The following SND1 variants were observed in gnomAD, a reference collection of about 807,000 sequenced individuals.
SND1 encodes the protein staphylococcal nuclease and tudor domain containing 1.
A neutral mutation model predicts 121.7 loss-of-function variants in SND1; 38 were observed. The ratio of observed to expected loss-of-function variants is 0.31; its 90% CI spans 0.24 to 0.41. The LOEUF is 0.41. Ranked by LOEUF, SND1 falls within the 10% of genes least tolerant of loss-of-function variation. SND1 has a pLI of 1.00. For missense variants in SND1, 868 were observed against 1,184.6 expected, an observed-to-expected ratio of 0.73 and a Z score of 3.92; for synonymous variants, 401 against 447.4, an observed-to-expected ratio of 0.90 and a Z score of 1.31.
intron 17 of SND1, among the ~76,000 whole-genome samples, chr7:128,078,736 TTCA>T (rs1374833721): frequency 6.6e-6 from 1 of 152,234 alleles, no homozygotes; most frequent in Non-Finnish European, 1.5e-5. Context: ...GTGTTCCGAA[TTCA>T]TCAACACTGC....
At chr7:127,675,216 C>T (rs1038391637) in intron 1 of SND1, among the ~76,000 whole-genome samples, 1 of 151,956 alleles carries the variant, frequency 6.6e-6, no homozygotes, top group Admixed American at 6.6e-5. Flanking sequence ...AACAAAAAAA[C>T]CCTTCATTTT....
rs571159132 is a variant in SND1 at position 128,053,890 on chromosome 7, C to T, written c.1780-20612C>T. The stretch of plus-strand genomic sequence containing the variant: ...CGGCAGGCTGAGCTTTTCCCCGACC[C>T]CAGGCCTGTGGAGTGCAGCAGTCAA... On this transcript the variant is annotated intron_variant, in intron 16 of 23. Coordinates refer to ENST00000354725, the MANE Select transcript of SND1 (RefSeq NM_014390.4). Among the ~76,000 whole-genome samples, 6 of 152,312 alleles carry T rather than the reference C, an allele frequency of 3.9e-5. No individual in the cohort carries two copies. In the East Asian group the frequency reaches 1.2e-3, roughly 29 times the overall value.
rs569319216 is a variant in SND1 at position 127,783,307 on chromosome 7, C to T, written c.1153-24177C>T. On this transcript the variant is annotated intron_variant, in intron 10 of 23. Transcript: ENST00000354725. ...CCTCAGCCTGTTTTGATTTTTGAAG[C>T]CTTATTAGATACAACAATTTTTGCC... Among the ~76,000 whole-genome samples, 34 of 152,244 alleles carry T rather than the reference C, an allele frequency of 2.2e-4. No homozygotes were observed. The South Asian group carries it at 6.9e-3, about 31-fold the overall frequency.
intron 10 of SND1, among the ~76,000 whole-genome samples, chr7:127,804,305 C>T (rs1401183538): frequency 6.6e-6 from 1 of 152,048 alleles, no homozygotes; most frequent in Admixed American, 6.6e-5. Flanking sequence ...ATCTTGTTTT[C>T]TGCTTGTGCT....
chr7:127,908,317 A>AGTGTGT (rs1235614611), intron 14 of SND1, among the ~76,000 whole-genome samples: 1 of 78,630 alleles, frequency 1.3e-5, no homozygotes, highest in African/African-American at 5.0e-5. Flanking sequence ...AATAATAATA[A>AGTGTGT]ATGTGTGTGT....
intron 14 of SND1, among the ~76,000 whole-genome samples, chr7:127,924,265 T>G (rs567888911): frequency 3.9e-5 from 6 of 152,338 alleles, no homozygotes; most frequent in African/African-American, 1.4e-4. Context: ...TAATAAGTTC[T>G]GCATGTATTT....
intron 10 of SND1, among the ~76,000 whole-genome samples, chr7:127,738,493 G>A (rs942148625): frequency 6.6e-6 from 1 of 151,972 alleles, no homozygotes; most frequent in African/African-American, 2.4e-5. Flanking sequence ...TGGCCAGGCT[G>A]GTCTTGAACT....
At chr7:127,941,889 GTT>G (rs34389081) in intron 15 of SND1, among the ~76,000 whole-genome samples, 123 of 100,242 alleles carry the variant, frequency 1.2e-3, no homozygotes, top group African/African-American at 2.9e-3. Flanking sequence ...TTGATAGGGA[GTT>G]TTTTTTTTTT....
chr7:128,091,530 G>A (rs569992045), intron 22 of SND1, among the ~76,000 whole-genome samples: 3 of 152,228 alleles, frequency 2.0e-5, no homozygotes, highest in East Asian at 1.9e-4. Context: ...TTTTAAATGG[G>A]GTTGCCCGAG....
rs1001124791 is a variant in SND1 at position 127,762,320 on chromosome 7, CTTG to C, written c.1152+40925_1152+40927del. On this transcript the variant is annotated intron_variant, in intron 10 of 23. Transcript: ENST00000354725. ...CTGGAAGTCCAAAATCAAAGTGCCT[CTTG>C]TTGTCCCTTGGTCTCAGGTTTGGTT... is the stretch of plus-strand genomic sequence containing the variant. 2.6e-5 allele frequency among the ~76,000 whole-genome samples: 4 copies of C among 152,266 alleles called. 1 individual carries two copies. In the South Asian group the frequency reaches 6.2e-4, roughly 24 times the overall value.
chr7:127,930,158 C>T (rs1173387713), intron 15 of SND1, among the ~76,000 whole-genome samples: 1 of 151,568 alleles, frequency 6.6e-6, no homozygotes, highest in Non-Finnish European at 1.5e-5. Context: ...CACCCTTGCA[C>T]ACACAAATAT....
intron 15 of SND1, among the ~76,000 whole-genome samples, chr7:127,954,144 A>G (rs1306781198): frequency 3.3e-5 from 5 of 152,196 alleles, no homozygotes; most frequent in Admixed American, 2.6e-4. Context: ...AGTCAGGCAG[A>G]ACCTGCTTTC....
intron 9 of SND1, 38 bp from the exon 10 acceptor site, chr7:127,721,249 A>G (rs75132091): frequency 6.9e-7 from 1 of 1,449,580 alleles, no homozygotes; most frequent in Non-Finnish European, 9.7e-7. Flanking sequence ...GATGGGGGCC[A>G]TAGAAGCAGG....
At chr7:127,995,644 T>C (rs1563082487) in intron 16 of SND1, among the ~76,000 whole-genome samples, 1 of 152,240 alleles carries the variant, frequency 6.6e-6, no homozygotes, top group Non-Finnish European at 1.5e-5. Flanking sequence ...GCCCTTGTTC[T>C]GAATAAAACA....
chr7:127,830,885 A>G (rs1172210003), intron 11 of SND1, among the ~76,000 whole-genome samples: 1 of 152,198 alleles, frequency 6.6e-6, no homozygotes, highest in African/African-American at 2.4e-5. Context: ...TGGGATATAT[A>G]GTTATAAATG....
At chr7:127,794,235 C>G (rs1225065287) in intron 10 of SND1, among the ~76,000 whole-genome samples, 1 of 152,192 alleles carries the variant, frequency 6.6e-6, no homozygotes, top group Non-Finnish European at 1.5e-5. Context: ...AAATATGTGG[C>G]ACTAGACCTG....
At chr7:127,934,382 CAG>C (rs1801013734) in intron 15 of SND1, among the ~76,000 whole-genome samples, 1 of 152,108 alleles carries the variant, frequency 6.6e-6, no homozygotes, top group Non-Finnish European at 1.5e-5. Flanking sequence ...AGTGGACCCT[CAG>C]AGTCACTGGA....
At chr7:127,856,220 A>G (rs1325262506) in intron 12 of SND1, among the ~76,000 whole-genome samples, 1 of 152,238 alleles carries the variant, frequency 6.6e-6, no homozygotes. Context: ...ATTCTTTAAT[A>G]AAAACAGTAT....
At chr7:127,878,835 C>T (rs1343889183) in intron 12 of SND1, among the ~76,000 whole-genome samples, 1 of 152,134 alleles carries the variant, frequency 6.6e-6, no homozygotes, top group Non-Finnish European at 1.5e-5. Context: ...ATCTATAAAG[C>T]ATGTGTGCCA....
Sources: gnomAD v4.1 joint callset for allele counts (sites outside exome capture counted in the v4.1 genomes callset) on GRCh38, gnomAD v4.1.1 for gene constraint, MANE v1.5 for transcripts, NCBI Gene and HGNC (gene_info 2026-07-23, HGNC 2026-07-21) for gene names.